The following ACSM3 variants were observed in gnomAD, a reference collection of about 807,000 sequenced individuals.
The protein encoded by ACSM3 is acyl-CoA synthetase medium chain family member 3, also known as acyl-coenzyme A synthetase ACSM3, mitochondrial.
A neutral mutation model predicts 74.1 loss-of-function variants in ACSM3; 61 were observed. The observed-to-expected ratio is 0.82, with a 90% CI of 0.67 to 1.02. ACSM3 has a LOEUF of 1.02. Ranked by LOEUF, ACSM3 falls within the 50% of genes least tolerant of loss-of-function variation. The pLI is 0.00. For missense variants in ACSM3, 660 were observed against 697.0 expected, an observed-to-expected ratio of 0.95 and a Z score of 0.60; for synonymous variants, 213 against 241.5, an observed-to-expected ratio of 0.88 and a Z score of 1.09.
chr16:20,703,369 G>A (rs1225810252), intron 1 of ACSM3: 1 of 152,186 alleles, frequency 6.6e-6, no homozygotes, highest in Non-Finnish European at 1.5e-5. Flanking sequence ...GTAGCTTGAT[G>A]GGAATAGCAT....
At chr16:20,775,613 T>C (rs553839473) in intron 2 of ACSM3, among the ~76,000 whole-genome samples, 9 of 152,208 alleles carry the variant, frequency 5.9e-5, no homozygotes, top group Non-Finnish European at 1.2e-4. Flanking sequence ...CTATTTGTCA[T>C]GTTATCTGCT....
At chr16:20,685,984 A>G (rs562286969) in intron 1 of ACSM3, among the ~76,000 whole-genome samples, 3 of 152,108 alleles carry the variant, frequency 2.0e-5, no homozygotes, top group African/African-American at 7.2e-5. Context: ...CCATTCCACC[A>G]CATGCCTGCC....
At chr16:20,755,523 C>A (rs952196857) in intron 2 of ACSM3, 1 of 151,704 alleles carries the variant, frequency 6.6e-6, no homozygotes, top group Non-Finnish European at 1.5e-5. Context: ...AAATCAAAAG[C>A]TTGGTGGATG....
intron 1 of ACSM3, among the ~76,000 whole-genome samples, chr16:20,700,594 T>C (rs163254): frequency 0.32 from 47,798 of 149,324 alleles, 8,015 homozygotes; most frequent in East Asian, 0.55. Flanking sequence ...GAGTGAGAAG[T>C]ATGATAAAGT....
chr16:20,775,971 C>T lies in ACSM3; in HGVS notation c.352C>T (p.Gln118Ter), dbSNP rs555722757. ...ANILSEACSL[Q>*]RGDRVILILP... is the part of the protein sequence containing the mutation. ...TATACTTTCAGAAGCCTGTTCCCTA[C>T]AAAGAGGAGATCGGGTAATTCTGAT... The change falls in exon 3 of 14, where the codon CAA becomes TAA. Residue 118 changes from glutamine to a stop codon, truncating the protein, a stop_gained. Transcript: ENST00000289416. LOFTEE classifies it high-confidence loss of function. 2 of 1,614,146 alleles carry T rather than the reference C, an allele frequency of 1.2e-6. No individual in the cohort carries two copies. Among genetic ancestry groups the T allele is most frequent in the Admixed American group, 1.7e-5 (1 of 60,018 alleles).
intron 1 of ACSM3, chr16:20,720,912 A>T (rs1567323920): frequency 6.6e-6 from 1 of 152,358 alleles, no homozygotes; most frequent in East Asian, 1.9e-4. Context: ...TAACTATGAC[A>T]ATCCAGATAG....
chr16:20,733,556 C>T (rs2152411206), intron 1 of ACSM3: 1 of 151,814 alleles, frequency 6.6e-6, no homozygotes, highest in South Asian at 2.1e-4. Flanking sequence ...GGCTCATGTC[C>T]ATGGCATTTT....
intron 1 of ACSM3, among the ~76,000 whole-genome samples, chr16:20,706,430 A>T (rs1351421073): frequency 1.3e-5 from 2 of 152,238 alleles, no homozygotes; most frequent in African/African-American, 4.8e-5. Context: ...CAGAGTAGGT[A>T]GTCCCCCACT....
chr16:20,774,335 G>A (rs1422685850), intron 2 of ACSM3, among the ~76,000 whole-genome samples: 1 of 146,370 alleles, frequency 6.8e-6, no homozygotes, highest in Admixed American at 6.9e-5. Flanking sequence ...TCCGCCTCCC[G>A]GGTTCAAGCG....
intron 1 of ACSM3, chr16:20,728,067 G>A: frequency 4.7e-6 from 1 of 212,604 alleles, no homozygotes; most frequent in Middle Eastern, 1.9e-3. Flanking sequence ...TAAATACTGG[G>A]AAAATCAGTC....
At chr16:20,717,956 GGAAGAAGAAGAA>G (rs746227909) in intron 1 of ACSM3, among the ~76,000 whole-genome samples, 3,111 of 74,190 alleles carry the variant, frequency 0.042, 60 homozygotes, top group Middle Eastern at 0.074. Flanking sequence ...AAGAGGAAGA[GGAAGAAGAAGAA>G]GAAGAAGAAG....
At chr16:20,795,589 A>G (rs1218892875) in intron 12 of ACSM3, among the ~76,000 whole-genome samples, 1 of 152,264 alleles carries the variant, frequency 6.6e-6, no homozygotes, top group Non-Finnish European at 1.5e-5. Context: ...ACCTAAGTGC[A>G]GGATACTTAA....
chr16:20,695,855 C>A (rs2152346396), intron 1 of ACSM3, among the ~76,000 whole-genome samples: 1 of 152,122 alleles, frequency 6.6e-6, no homozygotes. Context: ...ACATTTATAC[C>A]TATATCACTA....
chr16:20,726,341 A>T (rs1448610837), intron 1 of ACSM3, among the ~76,000 whole-genome samples: 1 of 152,204 alleles, frequency 6.6e-6, no homozygotes, highest in South Asian at 2.1e-4. Flanking sequence ...GGAAGAGAGG[A>T]GCAATTTAAG....
In ACSM3 at chr16:20,770,236, T is replaced by C. The variant is rs574035750; in HGVS notation, c.202T>C (p.Trp68Arg). 1.2e-6 allele frequency: 2 copies of C among 1,613,918 alleles called. No homozygotes were observed. The highest frequency in any genetic ancestry group is 1.7e-6 in the Non-Finnish European group (2 of 1,179,938). Residue 68 changes from tryptophan to arginine, a missense_variant, in exon 2 of 14, where the codon TGG becomes CGG. Physicochemically the swap from Trp to Arg is moderately radical, Grantham distance 101. Transcript: ENST00000289416. ...CTTTGCTAAAGATGTCCTGGACCAATGGACTGATAAGGAAAAGGTATGGGG... is the reference window on the plus strand; with the variant it reads ...CTTTGCTAAAGATGTCCTGGACCAACGGACTGATAAGGAAAAGGTATGGGG... ...FNFAKDVLDQ[W>R]TDKEKAGKKP... is the part of the protein sequence containing the mutation.
At chr16:20,723,379 A>G (rs2079793012) in intron 1 of ACSM3, among the ~76,000 whole-genome samples, 2 of 152,178 alleles carry the variant, frequency 1.3e-5, no homozygotes, top group Non-Finnish European at 2.9e-5. Context: ...CATGATTTAT[A>G]ATCCTTTGGG....
chr16:20,691,751 A>C, intron 1 of ACSM3, among the ~76,000 whole-genome samples: 2 of 134,106 alleles, frequency 1.5e-5, no homozygotes, highest in East Asian at 2.4e-4. Flanking sequence ...TACCTCTCCA[A>C]TGTGTGTGTG....
intron 1 of ACSM3, among the ~76,000 whole-genome samples, chr16:20,715,859 AAATTCACACAGGGCTCAGC>A (rs970566881): frequency 2.0e-5 from 3 of 152,266 alleles, no homozygotes; most frequent in Admixed American, 6.5e-5. Context: ...CATGGGTCAG[AAATTCACACAGGGCTCAGC>A]AGGGGCAGCT....
At chr16:20,743,432 G>T (rs1281905291) in intron 1 of ACSM3, among the ~76,000 whole-genome samples, 6 of 152,058 alleles carry the variant, frequency 3.9e-5, no homozygotes, top group African/African-American at 1.2e-4. Flanking sequence ...AACTTATCAT[G>T]TTACTGTCTT....
Sources: allele counts gnomAD v4.1 joint callset (sites outside exome capture counted in the v4.1 genomes callset), GRCh38; gene constraint gnomAD v4.1.1; transcripts MANE v1.5; gene names NCBI Gene and HGNC (gene_info 2026-07-23, HGNC 2026-07-21).